The following SRRM4 variants were observed in gnomAD, a reference collection of about 807,000 sequenced individuals.
The protein encoded by SRRM4 is serine/arginine repetitive matrix protein 4.
Under a neutral mutation model 68.9 loss-of-function variants are expected in SRRM4, and 33 were observed. The ratio of observed to expected loss-of-function variants is 0.48; its 90% CI spans 0.36 to 0.64. SRRM4 has a LOEUF of 0.64. Ranked by LOEUF, SRRM4 falls within the 30% of genes least tolerant of loss-of-function variation. SRRM4 has a pLI of 0.00. For missense variants in SRRM4, 817 were observed against 827.1 expected, an observed-to-expected ratio of 0.99 and a Z score of 0.15; for synonymous variants, 318 against 318.8, an observed-to-expected ratio of 1.00 and a Z score of 0.03.
chr12:119,156,968 A>G lies in SRRM4; in HGVS notation c.*170A>G, dbSNP rs923050248. The G allele has an allele frequency of 6.2e-5, 49 of 792,400 alleles. No individual in the cohort carries two copies. The highest frequency in any genetic ancestry group is 8.7e-5 in the Non-Finnish European group (45 of 519,578). The allele number at this position is 792,400 out of a possible 1,614,324, so 49.1% of individuals were successfully genotyped here. ...GTAAGGGGGCTTCACTCTCTAGATC[A>G]GCCTGCTAGGAGCCTCTACCAGCAT... On this transcript the variant is annotated 3_prime_UTR_variant, in exon 13 of 13. Transcript: ENST00000267260.
At chr12:119,145,314 T>C (rs1409526162) in intron 8 of SRRM4, 67 bp from the exon 9 acceptor site, 5 of 1,350,222 alleles carry the variant, frequency 3.7e-6, no homozygotes, top group Non-Finnish European at 5.1e-6. Context: ...TAAACATTTC[T>C]TGGTTATTTA....
In SRRM4 at chr12:119,145,549, G is replaced by A; in HGVS notation, c.940G>A (p.Gly314Arg). 1 of 1,606,828 alleles carries A rather than the reference G, an allele frequency of 6.2e-7. No individual in the cohort carries two copies. The highest frequency in any genetic ancestry group is 8.5e-7 in the Non-Finnish European group (1 of 1,176,258). The change falls in exon 9 of 13, where the codon GGG becomes AGG. Residue 314 changes from glycine (G) to arginine (R), a missense_variant. By Grantham distance (125) the Gly-to-Arg change is moderately radical. Coordinates refer to ENST00000267260, the MANE Select transcript of SRRM4 (RefSeq NM_194286.4). ...GGGCCAGGAGAAGGGGAGCCCCAGT[G>A]GGGGCTTGAGCAAGAGCCGGGAGCT... ...SRGQEKGSPS[G>R]GLSKSRELNS...
intron 1 of SRRM4, among the ~76,000 whole-genome samples, chr12:119,047,183 T>A (rs184863766): frequency 1.3e-3 from 194 of 152,308 alleles, no homozygotes; most frequent in African/African-American, 4.7e-3. Context: ...TAATGAAATT[T>A]ACCACAAATT....
intron 7 of SRRM4, 57 bp downstream of exon 7, chr12:119,125,536 C>A: frequency 2.1e-6 from 3 of 1,454,032 alleles, no homozygotes; most frequent in East Asian, 2.3e-5. Flanking sequence ...CAGGCTAAGA[C>A]ACTGTTAACA....
At chr12:119,135,566 C>G (rs910211706) in intron 8 of SRRM4, among the ~76,000 whole-genome samples, 1 of 152,036 alleles carries the variant, frequency 6.6e-6, no homozygotes, top group South Asian at 2.1e-4. Context: ...CCTGTGAGAC[C>G]CTAGGTGACA....
intron 1 of SRRM4, among the ~76,000 whole-genome samples, chr12:119,002,236 A>T (rs939137955): frequency 2.9e-4 from 44 of 151,642 alleles, no homozygotes; most frequent in African/African-American, 4.1e-4. Context: ...AAAAAAAAAA[A>T]TTTTTTTTCA....
intron 1 of SRRM4, among the ~76,000 whole-genome samples, chr12:119,075,952 AATG>A (rs879351641): frequency 5.6e-3 from 560 of 100,504 alleles, no homozygotes; most frequent in Non-Finnish European, 8.4e-3. Context: ...TGATGGTGGT[AATG>A]ATGATGGTGG....
chr12:119,037,130 T>C (rs1187459485), intron 1 of SRRM4, among the ~76,000 whole-genome samples: 1 of 152,110 alleles, frequency 6.6e-6, no homozygotes, highest in Non-Finnish European at 1.5e-5. Flanking sequence ...CTGGGCGTGG[T>C]TCCCCCCAGT....
intron 1 of SRRM4, among the ~76,000 whole-genome samples, chr12:118,991,174 G>C (rs567548541): frequency 6.6e-6 from 1 of 152,198 alleles, no homozygotes; most frequent in South Asian, 2.1e-4. Context: ...TCCACTTCCT[G>C]CCCACCTCCC....
At chr12:118,989,711 A>T (rs1266017063) in intron 1 of SRRM4, 1 of 152,206 alleles carries the variant, frequency 6.6e-6, no homozygotes, top group African/African-American at 2.4e-5. Flanking sequence ...TAAGTAATTC[A>T]TGTCTACGTG....
intron 1 of SRRM4, among the ~76,000 whole-genome samples, chr12:119,015,645 T>G (rs896398897): frequency 2.0e-5 from 3 of 152,202 alleles, no homozygotes; most frequent in African/African-American, 7.2e-5. Flanking sequence ...TGCATTGTAT[T>G]TGATTGTATA....
chr12:119,075,816 C>T (rs62649116), intron 1 of SRRM4, among the ~76,000 whole-genome samples: 85,026 of 129,448 alleles, frequency 0.66, 26,128 homozygotes, highest in Middle Eastern at 0.8. Context: ...GTGATGATAA[C>T]GGTGATGATG....
intron 1 of SRRM4, among the ~76,000 whole-genome samples, chr12:119,040,337 TC>T (rs1953658612): frequency 6.6e-6 from 1 of 152,164 alleles, no homozygotes. Flanking sequence ...TTGTCTGTTA[TC>T]CCCTGTGTCC....
intron 1 of SRRM4, 81 bp downstream of exon 1, chr12:118,982,094 C>A: frequency 6.7e-7 from 1 of 1,491,138 alleles, no homozygotes; most frequent in Non-Finnish European, 9.0e-7. Context: ...GGGGTGGATG[C>A]AGGCAGCCGG....
intron 1 of SRRM4, among the ~76,000 whole-genome samples, chr12:119,075,354 T>G (rs893063234): frequency 1.3e-5 from 2 of 152,048 alleles, no homozygotes; most frequent in Non-Finnish European, 2.9e-5. Context: ...GACTGGATGA[T>G]GATGATGACG....
At chr12:119,047,724 A>G (rs984689117) in intron 1 of SRRM4, among the ~76,000 whole-genome samples, 1 of 152,210 alleles carries the variant, frequency 6.6e-6, no homozygotes, top group Non-Finnish European at 1.5e-5. Context: ...TAGAAGTGCA[A>G]GAGAGGCAAG....
intron 7 of SRRM4, among the ~76,000 whole-genome samples, chr12:119,130,181 G>A (rs1464156686): frequency 1.3e-5 from 2 of 149,006 alleles, no homozygotes; most frequent in Non-Finnish European, 1.5e-5. Flanking sequence ...GGTTGGATGG[G>A]TGGATGATGG....
At position 119,154,147 on chromosome 12, in the gene SRRM4, T is replaced by C. The variant is rs951373523; in HGVS notation, c.1392-96T>C. The C allele has an allele frequency of 5.1e-5, 60 of 1,172,472 alleles. No homozygotes were observed. The highest frequency in any genetic ancestry group is 4.6e-4 in the African/African-American group (30 of 65,404). 72.6% of individuals were successfully genotyped at this position (1,172,472 alleles called of 1,614,324 possible). A position where few individuals can be genotyped will look rare whatever the true frequency, so the allele number is the denominator to read the frequency against. Reference sequence around the variant, plus strand: ...GTGCAGACCCCATCCCGTGACCCAGTGGGGTGGGAAAGAAAGGGAGTGTCC... The same window carrying C: ...GTGCAGACCCCATCCCGTGACCCAGCGGGGTGGGAAAGAAAGGGAGTGTCC... On this transcript the variant is annotated intron_variant, in intron 11 of 12. Coordinates refer to ENST00000267260, the MANE Select transcript of SRRM4 (RefSeq NM_194286.4). This position sits in a 1 kb window ranked among gnomAD's most constrained non-coding sequence, Gnocchi z 4.7.
At chr12:119,053,608 C>T (rs1293929482) in intron 1 of SRRM4, among the ~76,000 whole-genome samples, 2 of 152,160 alleles carry the variant, frequency 1.3e-5, no homozygotes, top group Non-Finnish European at 2.9e-5. Flanking sequence ...TTATATAAAG[C>T]ACATAGTAGG....
Sources: gnomAD v4.1 joint callset for allele counts (sites outside exome capture counted in the v4.1 genomes callset) on GRCh38, gnomAD v4.1.1 for gene constraint, Gnocchi (gnomAD v3.1) non-coding constraint, MANE v1.5 for transcripts, NCBI Gene and HGNC (gene_info 2026-07-23, HGNC 2026-07-21) for gene names.